The following GRID1 variants were observed in gnomAD, a reference collection of about 807,000 sequenced individuals.
GRID1 encodes glutamate ionotropic receptor delta type subunit 1.
A neutral mutation model predicts 98.0 loss-of-function variants in GRID1; 28 were observed. That is an observed-to-expected ratio of 0.29 (90% CI 0.21 to 0.39). The LOEUF is 0.39. Among genes scored for constraint, GRID1 ranks in the 10% least tolerant of loss-of-function variants. GRID1 has a pLI of 1.00. For missense variants in GRID1, 1,111 were observed against 1,340.5 expected, an observed-to-expected ratio of 0.83 and a Z score of 2.67; for synonymous variants, 553 against 538.5, an observed-to-expected ratio of 1.03 and a Z score of -0.37.
chr10:86,091,110 A>T (rs1230599080), intron 4 of GRID1, among the ~76,000 whole-genome samples: 5 of 152,148 alleles, frequency 3.3e-5, no homozygotes, highest in African/African-American at 1.2e-4. Flanking sequence ...ACTTTTTAAC[A>T]ATTTGAGCGG....
chr10:86,250,989 C>T (rs2607826), intron 2 of GRID1, among the ~76,000 whole-genome samples: 124,280 of 152,164 alleles, frequency 0.82, 51,578 homozygotes, highest in Non-Finnish European at 0.87. Context: ...TCCATTTTGT[C>T]CTGTACTAGG....
intron 4 of GRID1, among the ~76,000 whole-genome samples, chr10:85,992,668 G>T (rs61856010): frequency 0.068 from 10,295 of 152,154 alleles, 402 homozygotes; most frequent in Middle Eastern, 0.099. Context: ...ACTAGAAAGA[G>T]GCCAGGCACA....
At chr10:85,925,858 T>A (rs1378609664) in intron 4 of GRID1, among the ~76,000 whole-genome samples, 1 of 152,182 alleles carries the variant, frequency 6.6e-6, no homozygotes, top group African/African-American at 2.4e-5. Flanking sequence ...CCCCTTCAAA[T>A]CATGCTCATG....
chr10:85,972,010 G>A lies in GRID1; in HGVS notation c.727-55771C>T, dbSNP rs138972022. Among the ~76,000 whole-genome samples the A allele has an allele frequency of 5.5e-3, 838 of 152,170 alleles. 6 individuals carry two copies. Among genetic ancestry groups the A allele is most frequent in the African/African-American group, 0.019 (775 of 41,528 alleles). On this transcript the variant is annotated intron_variant, in intron 4 of 15. Transcript: ENST00000327946. The stretch of plus-strand genomic sequence containing the variant: ...TTACAAAGGAATTCTACATGTCTAC[G>A]TGGTAACAAATGAGAATCAACCCCT...
chr10:85,627,236 G>A (rs1013855473), intron 13 of GRID1, among the ~76,000 whole-genome samples: 1 of 152,192 alleles, frequency 6.6e-6, no homozygotes, highest in South Asian at 2.1e-4. Context: ...CTAGCTCCAC[G>A]CTTGCTGCCT....
At chr10:86,239,678 T>C (rs73349974) in intron 2 of GRID1, among the ~76,000 whole-genome samples, 8,177 of 152,206 alleles carry the variant, frequency 0.054, 730 homozygotes, top group African/African-American at 0.19. Context: ...TAAAAGCAAG[T>C]AGCACCTGCT....
At chr10:86,190,692 C>G (rs1469317635) in intron 3 of GRID1, among the ~76,000 whole-genome samples, 1 of 152,222 alleles carries the variant, frequency 6.6e-6, no homozygotes, top group African/African-American at 2.4e-5. Context: ...CCGAGGCCCT[C>G]CAGTGAAACC....
intron 12 of GRID1, among the ~76,000 whole-genome samples, chr10:85,704,173 C>A (rs1171303177): frequency 6.6e-6 from 1 of 152,022 alleles, no homozygotes; most frequent in Non-Finnish European, 1.5e-5. Flanking sequence ...CACAGACTGG[C>A]AAATTGGATA....
intron 11 of GRID1, 112 bp from the exon 12 acceptor site, chr10:85,723,253 G>A: frequency 5.7e-6 from 6 of 1,050,226 alleles, no homozygotes; most frequent in Non-Finnish European, 7.8e-6. Context: ...GTGATGGGCT[G>A]GAACCAGGGA....
At chr10:86,037,249 A>G (rs1843277910) in intron 4 of GRID1, among the ~76,000 whole-genome samples, 1 of 152,174 alleles carries the variant, frequency 6.6e-6, no homozygotes, top group Non-Finnish European at 1.5e-5. Flanking sequence ...CTTTGGAAAG[A>G]GTTAATCACA....
At chr10:86,301,082 T>C (rs1847679182) in intron 2 of GRID1, among the ~76,000 whole-genome samples, 1 of 152,076 alleles carries the variant, frequency 6.6e-6, no homozygotes. Context: ...TCCCCTGCCA[T>C]CCAAGGAAGG....
intron 4 of GRID1, among the ~76,000 whole-genome samples, chr10:85,993,804 T>A (rs1436155516): frequency 6.6e-6 from 1 of 152,236 alleles, no homozygotes; most frequent in African/African-American, 2.4e-5. Flanking sequence ...ACCCATCTTA[T>A]AGACAGGAGA....
intron 3 of GRID1, among the ~76,000 whole-genome samples, chr10:86,181,642 C>T (rs1845657046): frequency 6.6e-6 from 1 of 152,152 alleles, no homozygotes. Flanking sequence ...AAAGTATGGA[C>T]TTTCCCTAGA....
intron 8 of GRID1, among the ~76,000 whole-genome samples, chr10:85,838,330 CAAG>C (rs374297502): frequency 1.8e-3 from 272 of 152,178 alleles, no homozygotes; most frequent in African/African-American, 6.2e-3. Flanking sequence ...AGATAGTTCA[CAAG>C]AAGATCATCC....
intron 5 of GRID1, among the ~76,000 whole-genome samples, chr10:85,878,225 A>G (rs1266018140): frequency 6.6e-6 from 1 of 152,190 alleles, no homozygotes; most frequent in Non-Finnish European, 1.5e-5. Context: ...AACTTCCCCA[A>G]TATAGCAAGG....
At chr10:85,610,279 G>A (rs1324337381) in intron 15 of GRID1, among the ~76,000 whole-genome samples, 4 of 152,122 alleles carry the variant, frequency 2.6e-5, no homozygotes, top group Admixed American at 6.5e-5. Flanking sequence ...GTCGTTTTGA[G>A]CCGTTTCCTG....
At chr10:85,613,715 C>A in intron 14 of GRID1, 68 bp from the exon 15 acceptor site, 5 of 1,555,822 alleles carry the variant, frequency 3.2e-6, no homozygotes, top group Non-Finnish European at 4.4e-6. Context: ...GGCCCTGGCC[C>A]CTGCCCCACC....
intron 2 of GRID1, among the ~76,000 whole-genome samples, chr10:86,239,765 T>A (rs1478182461): frequency 1.3e-5 from 2 of 152,232 alleles, no homozygotes; most frequent in African/African-American, 2.4e-5. Context: ...TTGTACGTTT[T>A]CAGAGGCCTC....
chr10:86,052,540 G>A (rs1322034979), intron 4 of GRID1: 1 of 152,196 alleles, frequency 6.6e-6, no homozygotes, highest in Non-Finnish European at 1.5e-5. Flanking sequence ...ATGGGAGACT[G>A]CCTGGGAATA....
Sources: allele counts gnomAD v4.1 joint callset (sites outside exome capture counted in the v4.1 genomes callset), GRCh38; gene constraint gnomAD v4.1.1; transcripts MANE v1.5; gene names NCBI Gene and HGNC (gene_info 2026-07-23, HGNC 2026-07-21).